The following FANCA variants were observed in gnomAD, a reference collection of about 807,000 sequenced individuals.
FANCA encodes FA complementation group A, also known as Fanconi anemia group A protein.
FANCA carries 236 observed loss-of-function variants against 194.3 expected under a neutral mutation model. The observed-to-expected ratio is 1.21, with a 90% CI of 1.09 to 1.35. FANCA has a LOEUF of 1.35. Ranked by LOEUF, FANCA falls within the 40% of genes most tolerant of loss-of-function variation. The pLI is 0.00. For synonymous variants in FANCA, 1,014 were observed against 715.8 expected, an observed-to-expected ratio of 1.42 and a Z score of -6.65; for missense variants, 2,628 against 1,813.9, an observed-to-expected ratio of 1.45 and a Z score of -8.15.
intron 26 of FANCA, among the ~76,000 whole-genome samples, chr16:89,769,407 T>A (rs1250902298): frequency 1.3e-5 from 2 of 152,102 alleles, no homozygotes; most frequent in Non-Finnish European, 2.9e-5. Context: ...CCTCAGCACA[T>A]GGCCCCATCT....
intron 36 of FANCA, chr16:89,744,694 A>G: frequency 2.1e-6 from 1 of 480,020 alleles, no homozygotes; most frequent in Non-Finnish European, 3.8e-6. Context: ...TTCTGGACAG[A>G]GTCTTGCTCT....
intron 8 of FANCA, 135 bp downstream of exon 8, chr16:89,803,124 C>T (rs1481453992): frequency 2.3e-6 from 2 of 866,498 alleles, no homozygotes; most frequent in East Asian, 4.9e-5. Context: ...ACTCTATGCA[C>T]AAAACAAGTA....
chr16:89,783,920 C>G (rs890050290), intron 15 of FANCA, among the ~76,000 whole-genome samples: 1 of 152,144 alleles, frequency 6.6e-6, no homozygotes, highest in Non-Finnish European at 1.5e-5. Flanking sequence ...CGCTACCACG[C>G]CCGGCTAATT....
intron 8 of FANCA, among the ~76,000 whole-genome samples, chr16:89,801,106 G>A (rs1157757186): frequency 1.3e-5 from 2 of 150,610 alleles, no homozygotes; most frequent in Non-Finnish European, 2.9e-5. Context: ...AACACTTTGA[G>A]AGGCCAAGGT....
At chr16:89,777,377 G>A (rs1313810231) in intron 20 of FANCA, among the ~76,000 whole-genome samples, 2 of 152,098 alleles carry the variant, frequency 1.3e-5, no homozygotes, top group East Asian at 3.9e-4. Flanking sequence ...GTGGGACCCT[G>A]TCTCAAAACA....
At chr16:89,798,849 G>A in intron 10 of FANCA, 2 of 1,513,964 alleles carry the variant, frequency 1.3e-6, no homozygotes, top group Non-Finnish European at 1.8e-6. Context: ...CCCAGGGAAG[G>A]AGGAGCAAGG....
rs567704776 is a variant in FANCA at position 89,776,593 on chromosome 16, C to T, written c.1827-778G>A. On this transcript the variant is annotated intron_variant, in intron 20 of 42. Transcript: ENST00000389301. ...CTGTAATCCCAGCACTTTGGGAGGC[C>T]GAGGCAGGCAGATCAGGAGGTCAGG... is the stretch of plus-strand genomic sequence containing the variant. 6.0e-5 allele frequency among the ~76,000 whole-genome samples: 9 copies of T among 150,720 alleles called. No homozygotes were observed. In the South Asian group the frequency reaches 8.5e-4, roughly 14 times the overall value.
intron 15 of FANCA, 83 bp downstream of exon 15, chr16:89,784,771 C>G: frequency 2.9e-6 from 3 of 1,032,968 alleles, no homozygotes; most frequent in Non-Finnish European, 3.1e-6. Flanking sequence ...CTGCAGGAGG[C>G]TCTTGGGGAG....
rs767068799 is a variant in FANCA, at chr16:89,805,408, G to A, written c.597-16C>T. On this transcript the variant is annotated splice_polypyrimidine_tract_variant and intron_variant, in intron 6 of 42. Transcript: ENST00000389301. ...GTCGGGATGGCTGGAGACACACACA[G>A]AGGCAGACGTAAGGCTCAACTAAAT... 3.1e-6 allele frequency: 5 copies of A among 1,593,348 alleles called. No individual in the cohort carries two copies. In the South Asian group the frequency reaches 3.3e-5, roughly 11 times the overall value.
intron 7 of FANCA, among the ~76,000 whole-genome samples, chr16:89,804,145 G>A (rs561053756): frequency 1.3e-5 from 2 of 152,250 alleles, no homozygotes; most frequent in South Asian, 2.1e-4. Flanking sequence ...CTGGTACCAG[G>A]TTATAGTAGC....
At chr16:89,808,815 G>C (rs2040763362) in intron 5 of FANCA, among the ~76,000 whole-genome samples, 1 of 152,070 alleles carries the variant, frequency 6.6e-6, no homozygotes, top group African/African-American at 2.4e-5. Context: ...TGATAAAACA[G>C]GATCTGCTTT....
At chr16:89,761,420 G>GGA (rs2038948462) in intron 29 of FANCA, among the ~76,000 whole-genome samples, 1 of 95,720 alleles carries the variant, frequency 1.0e-5, no homozygotes, top group African/African-American at 3.7e-5. Flanking sequence ...CTCTGTCTCA[G>GGA]AAAAAAAAAA....
intron 2 of FANCA, 60 bp from the exon 3 acceptor site, chr16:89,814,673 T>C (rs1275234065): frequency 1.6e-6 from 2 of 1,235,652 alleles, no homozygotes; most frequent in African/African-American, 3.0e-5. Context: ...CCAGGCGTAG[T>C]GGCTCACGCC....
rs538131885 is a variant in FANCA at position 89,743,048 on chromosome 16, G to A, written c.3627-110C>T. ...ACCTTTGGGGCCTGCCTTTCCATCAGAGGACAGAGAAGGGTTTCAGGACCA... is the reference window on the plus strand; with the variant it reads ...ACCTTTGGGGCCTGCCTTTCCATCAAAGGACAGAGAAGGGTTTCAGGACCA... On this transcript the variant is annotated intron_variant, in intron 36 of 42. Transcript: ENST00000389301. The A allele has an allele frequency of 4.6e-6, 6 of 1,307,302 alleles. No homozygotes were observed. The South Asian group carries it at 5.7e-5, about 12-fold the overall frequency. The allele number at this position is 1,307,302 out of a possible 1,614,324, so 81.0% of individuals were successfully genotyped here.
At chr16:89,791,134 T>A in intron 14 of FANCA, 1 of 515,300 alleles carries the variant, frequency 1.9e-6, no homozygotes, top group South Asian at 2.1e-5. Context: ...GTCAACTAAG[T>A]GAGACAGAAA....
At chr16:89,744,029 C>T (rs2062191231) in intron 36 of FANCA, among the ~76,000 whole-genome samples, 1 of 152,012 alleles carries the variant, frequency 6.6e-6, no homozygotes, top group Non-Finnish European at 1.5e-5. Context: ...TCCTGAGTAG[C>T]TGGGACTACA....
At chr16:89,741,523 C>CT (rs1381164838) in intron 37 of FANCA, among the ~76,000 whole-genome samples, 4 of 152,150 alleles carry the variant, frequency 2.6e-5, no homozygotes, top group African/African-American at 9.7e-5. Context: ...TTGTGGGATG[C>CT]TTGTTTCTGT....
chr16:89,791,404 T>G lies in FANCA; in HGVS notation c.1358A>C (p.Lys453Thr), dbSNP rs139248966. Residue 453 changes from lysine to threonine, a missense_variant and splice_region_variant, in exon 14 of 43, where the codon AAG becomes ACG. Lys to Thr is a moderately conservative substitution (Grantham distance 78). Coordinates refer to ENST00000389301, the MANE Select transcript of FANCA (RefSeq NM_000135.4). Reference sequence around the variant, plus strand: ...GTAGCCGATTGGCAGGTCACTTACCTTGAACCAGTCTGCATATGACAGGAA... The same window carrying G: ...GTAGCCGATTGGCAGGTCACTTACCGTGAACCAGTCTGCATATGACAGGAA... ...SAFLSYADWF[K>T]ASFGSTRGYH... is the part of the protein sequence containing the mutation. 6.2e-7 allele frequency: 1 copy of G among 1,613,790 alleles called. No individual in the cohort carries two copies. The highest frequency in any genetic ancestry group is 8.5e-7 in the Non-Finnish European group (1 of 1,179,914).
chr16:89,808,539 A>T (rs1380675894), intron 5 of FANCA, among the ~76,000 whole-genome samples, 172 bp from the exon 6 acceptor site: 1 of 152,186 alleles, frequency 6.6e-6, no homozygotes, highest in East Asian at 1.9e-4. Flanking sequence ...TTTTTTACAA[A>T]GCTGTACTGG....
Sources: gnomAD v4.1 joint callset for allele counts (sites outside exome capture counted in the v4.1 genomes callset) on GRCh38, gnomAD v4.1.1 for gene constraint, MANE v1.5 for transcripts, NCBI Gene and HGNC (gene_info 2026-07-23, HGNC 2026-07-21) for gene names.